The following TNK2 variants were observed in gnomAD, a reference collection of about 807,000 sequenced individuals.
The protein encoded by TNK2 is tyrosine kinase non receptor 2, also known as activated CDC42 kinase 1.
A neutral mutation model predicts 101.8 loss-of-function variants in TNK2; 83 were observed. The ratio of observed to expected loss-of-function variants is 0.82; its 90% confidence interval spans 0.68 to 0.98. TNK2 has a LOEUF of 0.98. TNK2 is among the 50% of genes least tolerant of loss of function. The pLI is 0.00. For missense variants in TNK2, 1,665 were observed against 1,483.2 expected (o/e 1.12, Z -2.01); for synonymous variants, 804 against 633.0 (o/e 1.27, Z -4.06).
Position 195,868,018 on chromosome 3 carries a change from G to C in TNK2, c.2280C>G (p.Ile760Met), listed in dbSNP as rs756017235. The C allele has an allele frequency of 1.8e-5, 29 of 1,583,002 alleles. No individual in the cohort carries two copies. In the African/African-American group the frequency reaches 3.2e-4, roughly 18 times the overall value. Residue 760 changes from isoleucine (I) to methionine (M), a missense_variant, in exon 13 of 16, where the codon ATC (isoleucine) becomes ATG (methionine). By Grantham distance (10) the Ile-to-Met change is conservative (BLOSUM62 1). This residue lies in a region of TNK2 where 1,136 missense variants were observed against 894.9 expected (regional missense o/e 1.27). Coordinates refer to ENST00000672887, the MANE Select transcript of TNK2 (RefSeq NM_001382273.1). ...DKPQVPPRVP[I>M]PPRPTRPHVQ... ...CGTGTGGGCGCGTGGGCCGAGGGGG[G>C]ATGGGTACCCGAGGAGGCACCTGGG...
At chr3:195,873,662 C>G (rs1357194940) in intron 9 of TNK2, among the ~76,000 whole-genome samples, 3 of 152,190 alleles carry the variant, frequency 2.0e-5, no homozygotes, top group Non-Finnish European at 4.4e-5. Context: ...TCCTCTGAAA[C>G]CCAGCCAGGC....
intron 9 of TNK2, among the ~76,000 whole-genome samples, chr3:195,874,341 G>A (rs987501978): frequency 2.0e-5 from 3 of 152,230 alleles, no homozygotes; most frequent in Admixed American, 6.5e-5. Context: ...CTTCTGAGAG[G>A]GAAAGGAGAC....
At chr3:195,870,254 G>A (rs751112969) in intron 10 of TNK2, 49 bp from the exon 11 acceptor site, 20 of 1,598,510 alleles carry the variant, frequency 1.3e-5, no homozygotes, top group East Asian at 4.6e-5. Flanking sequence ...CGTGTGGAGG[G>A]GTGGCAGAAT....
intron 12 of TNK2, 37 bp from the exon 13 acceptor site, chr3:195,868,746 C>T: frequency 6.6e-7 from 1 of 1,516,846 alleles, no homozygotes; most frequent in Non-Finnish European, 8.8e-7. Flanking sequence ...GGAAGGCAGT[C>T]AGGCAGGGTC....
At chr3:195,880,410 C>T (rs1438574954) in intron 6 of TNK2, among the ~76,000 whole-genome samples, 1 of 132,052 alleles carries the variant, frequency 7.6e-6, no homozygotes, top group Non-Finnish European at 1.7e-5. Context: ...CCCTGTAACA[C>T]CCCCCCAGCA....
chr3:195,904,174 C>T (rs963161505), intron 1 of TNK2, among the ~76,000 whole-genome samples: 16 of 151,640 alleles, frequency 1.1e-4, no homozygotes, highest in African/African-American at 3.6e-4. Context: ...GGGACGATCA[C>T]CTGAGCCCAG....
At chr3:195,872,237 G>A (rs756353156) in intron 10 of TNK2, 39 bp downstream of exon 10, 1 of 1,609,628 alleles carries the variant, frequency 6.2e-7, no homozygotes, top group Non-Finnish European at 8.5e-7. Flanking sequence ...GGAGTCCCGA[G>A]CGGGGCCAGG....
Position 195,867,442 on chromosome 3 carries a change from C to T in TNK2, c.2856G>A (p.Pro952=), listed in dbSNP as rs373754685. ...TCTGTGGCAGCCGAGCAGTGGCCCT[C>T]GGGGGTGGTGGCCGGGCCCCTGGGT... ...NSNPGARPPP[P]RATARLPQRG... Residue 952 remains proline (P), a synonymous_variant, in exon 13 of 16, where the codon CCG becomes CCA. Transcript: ENST00000672887. 152 of 1,595,382 alleles carry T rather than the reference C, an allele frequency of 9.5e-5. No homozygotes were observed. The highest frequency in any genetic ancestry group is 1.1e-4 in the Non-Finnish European group (132 of 1,176,592).
chr3:195,871,717 T>A lies in TNK2; in HGVS notation c.1451+559A>T, dbSNP rs912813727. On this transcript the variant is annotated intron_variant, in intron 10 of 15. Transcript: ENST00000672887. ...TCAGAAGCTCCTGACCCTACTTTCA[T>A]CTACAGTGAGTGGGAAAGCTTCTCT... is the stretch of plus-strand genomic sequence containing the variant. Among the ~76,000 whole-genome samples, 19 of 152,304 alleles carry A rather than the reference T, an allele frequency of 1.2e-4. No homozygotes were observed. In the East Asian group the frequency reaches 3.3e-3, roughly 26 times the overall value.
Position 195,864,028 on chromosome 3 carries a change from C to T in TNK2, c.*153G>A. On this transcript the variant is annotated 3_prime_UTR_variant, in exon 16 of 16. Transcript: ENST00000672887. Reference sequence around the variant, plus strand: ...CAGGAGGGATGGGCAGGGCAGGGCTCCCAGCCTCCCGCAGCCTTGGCCTTG... The same window carrying T: ...CAGGAGGGATGGGCAGGGCAGGGCTTCCAGCCTCCCGCAGCCTTGGCCTTG... 2 of 1,028,318 alleles carry T rather than the reference C, an allele frequency of 1.9e-6. No individual in the cohort carries two copies. Among genetic ancestry groups the T allele is most frequent in the South Asian group, 2.9e-5 (2 of 68,726 alleles). 63.7% of individuals were successfully genotyped at this position (1,028,318 alleles called of 1,614,324 possible).
At position 195,883,140 on chromosome 3, in the gene TNK2, C is replaced by A. The variant is rs1753965008; in HGVS notation, c.609+17G>T. On this transcript the variant is annotated intron_variant, in intron 5 of 15. Coordinates refer to ENST00000672887, the MANE Select transcript of TNK2 (RefSeq NM_001382273.1). ...GAGCCCTCTCCCTGCCCGCCCCCTC[C>A]CGCCCGCAGTACTCACCATCTTCAT... 1 of 1,598,784 alleles carries A rather than the reference C, an allele frequency of 6.3e-7. No individual in the cohort carries two copies. The highest frequency in any genetic ancestry group is 1.1e-5 in the South Asian group (1 of 90,966).
At position 195,868,554 on chromosome 3, in the gene TNK2, C is replaced by T. The variant is rs770581073; in HGVS notation, c.1744G>A (p.Glu582Lys). 1 of 1,572,466 alleles carries T rather than the reference C, an allele frequency of 6.4e-7. No homozygotes were observed. Among genetic ancestry groups the T allele is most frequent in the Non-Finnish European group, 8.6e-7 (1 of 1,167,346 alleles). The change falls in exon 13 of 16, where the codon GAG becomes AAG. Residue 582 changes from glutamate to lysine, a missense_variant. By Grantham distance (56) the Glu-to-Lys change is moderately conservative. Around this residue, in one of 3 missense-constraint regions of TNK2, gnomAD observed 1,136 missense variants for 894.9 expected, o/e 1.27. Coordinates refer to ENST00000672887, the MANE Select transcript of TNK2 (RefSeq NM_001382273.1). ...GTKASRGSGAEVTLIDFGEEP... is the reference protein window; with the variant it reads ...GTKASRGSGAKVTLIDFGEEP... ...TCACCGAAGTCGATGAGCGTGACCTCAGCCCCGCTGCCTCGGCTGGCCTTG... is the reference window on the plus strand; with the variant it reads ...TCACCGAAGTCGATGAGCGTGACCTTAGCCCCGCTGCCTCGGCTGGCCTTG...
Position 195,885,239 on chromosome 3 carries a change from G to A in TNK2, c.235-206C>T. 1 of 1,036,526 alleles carries A rather than the reference G, an allele frequency of 9.6e-7. No individual in the cohort carries two copies. The highest frequency in any genetic ancestry group is 1.4e-6 in the Non-Finnish European group (1 of 735,526). The allele number at this position is 1,036,526 out of a possible 1,614,324, so 64.2% of individuals were successfully genotyped here. A position where few individuals can be genotyped will look rare whatever the true frequency, so the allele number is the denominator to read the frequency against. ...AAACATGAACCCAAAGCCTGATGCTGGCCTCAAGGAGGGTGCCAGAAAGAG... is the reference window on the plus strand; with the variant it reads ...AAACATGAACCCAAAGCCTGATGCTAGCCTCAAGGAGGGTGCCAGAAAGAG... On this transcript the variant is annotated intron_variant, in intron 3 of 15. Coordinates refer to ENST00000672887, the MANE Select transcript of TNK2 (RefSeq NM_001382273.1). The surrounding 1 kb of genome is among the most constrained non-coding windows in gnomAD (Gnocchi z 4.7).
At chr3:195,893,427 C>T (rs904094142) in intron 1 of TNK2, among the ~76,000 whole-genome samples, 5 of 151,978 alleles carry the variant, frequency 3.3e-5, no homozygotes, top group African/African-American at 4.8e-5. Flanking sequence ...TTCCCAAACC[C>T]GCTCAAAACA....
intron 1 of TNK2, among the ~76,000 whole-genome samples, chr3:195,895,015 A>AACGGGC (rs1196870575): frequency 6.6e-6 from 1 of 152,222 alleles, no homozygotes; most frequent in African/African-American, 2.4e-5. Context: ...AAGAAAGCCC[A>AACGGGC]ACGGGCAGCT....
chr3:195,893,704 AC>A (rs1342255811), intron 1 of TNK2, among the ~76,000 whole-genome samples: 2 of 149,808 alleles, frequency 1.3e-5, no homozygotes, highest in South Asian at 2.1e-4. Flanking sequence ...CTCCCCAGGC[AC>A]CCCCCTCCCT....
In TNK2 at chr3:195,882,970, C is replaced by T. The variant is rs1271640112; in HGVS notation, c.609+187G>A. ...CACCAGCAAAATCCAGAGACAGACC[C>T]GGACTGGACCGCAGCAGACACAGCC... is the stretch of plus-strand genomic sequence containing the variant. On this transcript the variant is annotated intron_variant, in intron 5 of 15. Coordinates refer to ENST00000672887, the MANE Select transcript of TNK2 (RefSeq NM_001382273.1). This position sits in a 1 kb window ranked among gnomAD's most constrained non-coding sequence, Gnocchi z 4.2. 2.6e-5 allele frequency among the ~76,000 whole-genome samples: 4 copies of T among 152,156 alleles called. No homozygotes were observed. Among genetic ancestry groups the T allele is most frequent in the East Asian group, 1.9e-4 (1 of 5,192 alleles).
At chr3:195,864,214 G>T in intron 15 of TNK2, 27 bp from the exon 16 acceptor site, 1 of 1,613,882 alleles carries the variant, frequency 6.2e-7, no homozygotes, top group South Asian at 1.1e-5. Flanking sequence ...CACCAGCACA[G>T]TTAAACAGTT....
At chr3:195,864,881 G>A (rs1739560581) in intron 15 of TNK2, among the ~76,000 whole-genome samples, 1 of 135,162 alleles carries the variant, frequency 7.4e-6, no homozygotes, top group Non-Finnish European at 1.6e-5. Flanking sequence ...GACAGCAAGT[G>A]CCTGCGTCCC....
Sources: allele counts gnomAD v4.1 joint callset (sites outside exome capture counted in the v4.1 genomes callset), GRCh38; gene constraint gnomAD v4.1.1; regional missense constraint gnomAD v4.1.1; non-coding constraint Gnocchi (gnomAD v3.1); transcripts MANE v1.5; gene names NCBI Gene and HGNC (gene_info 2026-07-23, HGNC 2026-07-21).